Variants in DIAPH1 observed in about 807,000 individuals in gnomAD.
DIAPH1 encodes the protein diaphanous related formin 1.
DIAPH1 carries 46 observed loss-of-function variants against 140.7 expected under a neutral mutation model. The observed-to-expected ratio is 0.33, with a 90% CI of 0.26 to 0.42. DIAPH1 has a LOEUF of 0.42. DIAPH1 is among the 10% of genes least tolerant of loss of function. The pLI is 1.00. For synonymous variants in DIAPH1, 565 were observed against 551.6 expected, an observed-to-expected ratio of 1.02 and a Z score of -0.34; for missense variants, 1,310 against 1,558.7, an observed-to-expected ratio of 0.84 and a Z score of 2.69.
intron 18 of DIAPH1, among the ~76,000 whole-genome samples, chr5:141,545,956 A>G (rs946586359): frequency 4.6e-5 from 7 of 152,242 alleles, no homozygotes; most frequent in African/African-American, 1.4e-4. Flanking sequence ...GTAAGATCCT[A>G]ATTTTATGAT....
chr5:141,588,451 C>G (rs893742534), intron 1 of DIAPH1, among the ~76,000 whole-genome samples: 1 of 143,294 alleles, frequency 7.0e-6, no homozygotes, highest in African/African-American at 2.6e-5. Context: ...TTGAAGGTCA[C>G]TAACATATGA....
rs369729693 is a variant in DIAPH1 at position 141,578,538 on chromosome 5, A to G, written c.1021T>C (p.Leu341=). 3 of 1,613,858 alleles carry G rather than the reference A, an allele frequency of 1.9e-6. No individual in the cohort carries two copies. The African/African-American group carries it at 4.0e-5, about 22-fold the overall frequency. ...RVHIRSELMR[L]GLHQVLQDLR... is the part of the protein sequence containing the mutation. ...ACCTGCAACACCTGATGTAGCCCCA[A>G]ACGCATCAGTTCACTTCTGATGTGA... The change falls in exon 10 of 28, where the codon TTG becomes CTG. Residue 341 remains leucine, a synonymous_variant. Coordinates refer to ENST00000389054, the MANE Select transcript of DIAPH1 (RefSeq NM_005219.5).
chr5:141,533,417 A>G (rs1012657672), intron 19 of DIAPH1, among the ~76,000 whole-genome samples: 7 of 152,264 alleles, frequency 4.6e-5, no homozygotes, highest in Admixed American at 4.6e-4. Context: ...AGTTACGAGT[A>G]TACGTGGAAA....
At chr5:141,579,024 A>G in intron 9 of DIAPH1, 64 bp downstream of exon 9, 1 of 1,233,432 alleles carries the variant, frequency 8.1e-7, no homozygotes, top group Admixed American at 1.7e-5. Flanking sequence ...TAAAAGGTCA[A>G]ATGAATTTAA....
intron 27 of DIAPH1, among the ~76,000 whole-genome samples, chr5:141,520,250 AG>A (rs1294731294): frequency 6.6e-6 from 1 of 152,186 alleles, no homozygotes; most frequent in Non-Finnish European, 1.5e-5. Context: ...TTACAAAAGT[AG>A]GGGGGAGAAT....
chr5:141,596,467 A>G (rs1390818002), intron 1 of DIAPH1, among the ~76,000 whole-genome samples: 1 of 152,202 alleles, frequency 6.6e-6, no homozygotes, highest in African/African-American at 2.4e-5. Flanking sequence ...TGCTGACAAC[A>G]GAGCAAGACA....
chr5:141,517,108 T>A, intron 27 of DIAPH1, 100 bp from the exon 28 acceptor site: 1 of 1,405,466 alleles, frequency 7.1e-7, no homozygotes, highest in Non-Finnish European at 9.8e-7. Flanking sequence ...CAGACATGAC[T>A]ACCTTGGCCA....
rs2099889299 is a variant in DIAPH1, at chr5:141,537,880, A to T, written c.2483-3447T>A. Among the ~76,000 whole-genome samples the T allele has an allele frequency of 2.6e-5, 4 of 152,140 alleles. No homozygotes were observed. In the South Asian group the frequency reaches 8.3e-4, roughly 32 times the overall value. On this transcript the variant is annotated intron_variant, in intron 18 of 27. Transcript: ENST00000389054. Reference sequence around the variant, plus strand: ...ACTCAAACACTGCAAATAAATCAAAATAGAATCTTTGTTTTTGAGGGGTTT... The same window carrying T: ...ACTCAAACACTGCAAATAAATCAAATTAGAATCTTTGTTTTTGAGGGGTTT...
At position 141,565,258 on chromosome 5, in the gene DIAPH1, C is replaced by A. The variant is rs1436381734; in HGVS notation, c.2482+6170G>T. The A allele has an allele frequency of 6.6e-6, 1 of 151,752 alleles. No individual in the cohort carries two copies. The highest frequency in any genetic ancestry group is 1.5e-5 in the Non-Finnish European group (1 of 67,958). The allele number at this position is 151,752 out of a possible 1,614,324, so 9.4% of individuals were successfully genotyped here. ...TTATATTAAAAAAGAAGTGTGTATA[C>A]CTTCATGTTTCTGTAATTTTATTTT... On this transcript the variant is annotated intron_variant, in intron 18 of 27. Coordinates refer to ENST00000389054, the MANE Select transcript of DIAPH1 (RefSeq NM_005219.5). This position sits in a 1 kb window ranked among gnomAD's most constrained non-coding sequence, Gnocchi z 4.3.
chr5:141,610,764 T>C (rs2099901707), intron 1 of DIAPH1, among the ~76,000 whole-genome samples: 1 of 151,662 alleles, frequency 6.6e-6, no homozygotes, highest in Admixed American at 6.6e-5. Flanking sequence ...GAGACGTCAT[T>C]TCTACAAAAA....
Position 141,546,854 on chromosome 5 carries a change from C to T in DIAPH1, c.2483-12421G>A, listed in dbSNP as rs558330817. Among the ~76,000 whole-genome samples, 4 of 152,324 alleles carry T rather than the reference C, an allele frequency of 2.6e-5. No homozygotes were observed. The South Asian group carries it at 8.3e-4, about 32-fold the overall frequency. On this transcript the variant is annotated intron_variant, in intron 18 of 27. Transcript: ENST00000389054. ...ACAGCTCAATTCCTGACTGGATTAA[C>T]ACAATCAGCCTCTACTATTATCTGT... is the stretch of plus-strand genomic sequence containing the variant.
chr5:141,550,618 C>A (rs1325593103), intron 18 of DIAPH1: 1 of 154,326 alleles, frequency 6.5e-6, no homozygotes, highest in East Asian at 1.9e-4. Context: ...CCTGTTCTTT[C>A]TTTTCTTTTT....
At chr5:141,582,081 AAAAAAAG>A in intron 7 of DIAPH1, 3 of 402,628 alleles carry the variant, frequency 7.5e-6, no homozygotes, top group Non-Finnish European at 1.3e-5. Flanking sequence ...AAAAAAAAAA[AAAAAAAG>A]AGAGAGAAAC....
intron 1 of DIAPH1, among the ~76,000 whole-genome samples, chr5:141,611,575 A>G (rs79350888): frequency 0.051 from 7,786 of 152,262 alleles, 283 homozygotes; most frequent in Non-Finnish European, 0.068. Flanking sequence ...AATGAAAGAC[A>G]GACAAAAGAA....
rs2099895765 is a variant in DIAPH1, at chr5:141,575,138, T to G, written c.1470A>C (p.Ser490=). Residue 490 remains serine (S), a synonymous_variant, in exon 15 of 28, where the codon TCA becomes TCC. Coordinates refer to ENST00000389054, the MANE Select transcript of DIAPH1 (RefSeq NM_005219.5). Reference sequence around the variant, plus strand: ...GTAGCTCATGTCGGGCTGTTAACTCTGAGTCCAACTAGAGAAAAAACGAAT... The same window carrying G: ...GTAGCTCATGTCGGGCTGTTAACTCGGAGTCCAACTAGAGAAAAAACGAAT... ...KAAELEKKLD[S]ELTARHELQV... is the part of the protein sequence containing the mutation. The G allele has an allele frequency of 1.2e-6, 2 of 1,614,112 alleles. No homozygotes were observed. Among genetic ancestry groups the G allele is most frequent in the African/African-American group, 2.7e-5 (2 of 74,936 alleles).
chr5:141,596,771 A>G (rs1474766295), intron 1 of DIAPH1, among the ~76,000 whole-genome samples: 6 of 152,204 alleles, frequency 3.9e-5, no homozygotes, highest in African/African-American at 1.4e-4. Flanking sequence ...AGAGTTTCCA[A>G]TCTGCTTTGT....
At chr5:141,519,058 C>G (rs2099886131) in intron 27 of DIAPH1, 4 of 1,448,908 alleles carry the variant, frequency 2.8e-6, no homozygotes, top group Non-Finnish European at 3.8e-6. Context: ...TATCTAGTTA[C>G]AGATCATAGG....
chr5:141,524,143 C>T lies in DIAPH1; in HGVS notation c.3661G>A (p.Ala1221Thr), dbSNP rs1185864756. The change falls in exon 27 of 28, where the codon GCC becomes ACC. Residue 1221 changes from alanine (A) to threonine (T), a missense_variant and splice_region_variant. Around this residue, in one of 3 missense-constraint regions of DIAPH1, gnomAD observed 344 missense variants for 512.2 expected, o/e 0.67. Coordinates refer to ENST00000389054, the MANE Select transcript of DIAPH1 (RefSeq NM_005219.5). The part of the protein sequence containing the change: ...AFRRKRGPRQ[A>T]NRKAGCAVTS... ...GGATGAGCTCCATGTGCTTACTTAC[C>T]TTGACGGGGCCCTCTCTTCCGTCGG... 1.9e-6 allele frequency: 3 copies of T among 1,614,094 alleles called. No individual in the cohort carries two copies. Among genetic ancestry groups the T allele is most frequent in the East Asian group, 4.5e-5 (2 of 44,864 alleles).
At chr5:141,542,502 G>A (rs1250900096) in intron 18 of DIAPH1, among the ~76,000 whole-genome samples, 1 of 152,054 alleles carries the variant, frequency 6.6e-6, no homozygotes, top group East Asian at 1.9e-4. Context: ...ATATGCAATG[G>A]AATATTATTC....
Sources: gnomAD v4.1 joint callset for allele counts (sites outside exome capture counted in the v4.1 genomes callset) on GRCh38, gnomAD v4.1.1 for gene constraint, gnomAD v4.1.1 regional missense constraint, Gnocchi (gnomAD v3.1) non-coding constraint, MANE v1.5 for transcripts, NCBI Gene and HGNC (gene_info 2026-07-23, HGNC 2026-07-21) for gene names.